NAV2: variants seen among roughly 807,000 people sequenced by gnomAD.
The protein encoded by NAV2 is helicase, APC down-regulated 1.
In NAV2, 54 loss-of-function variants were observed where a neutral mutation model predicts 223.2. That is an observed-to-expected ratio of 0.24 (90% CI 0.19 to 0.30). The LOEUF is 0.30. NAV2 is among the 10% of genes least tolerant of loss of function. The pLI, the probability that NAV2 is intolerant of heterozygous loss-of-function variation, is 1.00. For synonymous variants in NAV2, 1,279 were observed against 1,239.3 expected (o/e 1.03, Z -0.67); for missense variants, 2,806 against 3,147.5 (o/e 0.89, Z 2.60).
At chr11:19,546,279 G>C (rs540009587) in intron 1 of NAV2, among the ~76,000 whole-genome samples, 1 of 152,346 alleles carries the variant, frequency 6.6e-6, no homozygotes, top group Non-Finnish European at 1.5e-5. Context: ...CCCCAGCTCA[G>C]AGATTCCCTC....
At chr11:19,845,874 T>C (rs556727504) in intron 3 of NAV2, among the ~76,000 whole-genome samples, 5 of 152,142 alleles carry the variant, frequency 3.3e-5, no homozygotes, top group Non-Finnish European at 5.9e-5. Context: ...CAGCAAGCAG[T>C]CACAGAGTGC....
intron 1 of NAV2, among the ~76,000 whole-genome samples, chr11:19,499,431 CAGAT>C (rs2042895024): frequency 6.6e-6 from 1 of 152,216 alleles, no homozygotes; most frequent in African/African-American, 2.4e-5. Context: ...TGAAATCTGA[CAGAT>C]AGTCAAAGGG....
chr11:19,373,862 C>T (rs1370659927), intron 1 of NAV2, among the ~76,000 whole-genome samples: 5 of 152,094 alleles, frequency 3.3e-5, no homozygotes, highest in Non-Finnish European at 5.9e-5. Flanking sequence ...TAGGTGTCAC[C>T]TCTAGTTTTA....
chr11:20,036,156 G>T, intron 12 of NAV2, 59 bp downstream of exon 12: 1 of 1,607,322 alleles, frequency 6.2e-7, no homozygotes. Flanking sequence ...GGGAACCTTG[G>T]GCTTGTGGGG....
chr11:20,000,940 A>G (rs2052481402), intron 11 of NAV2, among the ~76,000 whole-genome samples: 3 of 152,172 alleles, frequency 2.0e-5, no homozygotes, highest in Admixed American at 2.0e-4. Context: ...CAGCACAGCC[A>G]CAGTGATCCT....
intron 1 of NAV2, among the ~76,000 whole-genome samples, chr11:19,778,697 T>C (rs905500563): frequency 6.6e-6 from 1 of 152,256 alleles, no homozygotes; most frequent in African/African-American, 2.4e-5. Context: ...TTTAAGCTAC[T>C]ATTTTACAAC....
At position 19,713,594 on chromosome 11, in the gene NAV2, G is replaced by A. The variant is rs575278303; in HGVS notation, c.-102G>A. 26 of 1,432,778 alleles carry A rather than the reference G, an allele frequency of 1.8e-5. 1 individual carries two copies. The East Asian group carries it at 6.7e-4, about 37-fold the overall frequency. The allele number at this position is 1,432,778 out of a possible 1,614,324, so 88.8% of individuals were successfully genotyped here. A position where few individuals can be genotyped will look rare whatever the true frequency, so the allele number is the denominator to read the frequency against. ...AGCCGCTGGTGGTGGGCGCCTCGTG[G>A]GCTAAGGCCCGGCGCCTGCTCTGCT... On this transcript the variant is annotated 5_prime_UTR_variant, in exon 1 of 38. Coordinates refer to ENST00000349880, the MANE Select transcript of NAV2 (RefSeq NM_145117.5). This position sits in a 1 kb window ranked among gnomAD's most constrained non-coding sequence, Gnocchi z 7.2.
intron 1 of NAV2, among the ~76,000 whole-genome samples, chr11:19,718,579 C>T (rs2050501438): frequency 7.7e-6 from 1 of 130,708 alleles, no homozygotes; most frequent in African/African-American, 2.6e-5. Flanking sequence ...GCTCCATCAT[C>T]AAAGGTGATT....
chr11:19,794,510 A>G (rs2057763983), intron 1 of NAV2, among the ~76,000 whole-genome samples: 1 of 152,218 alleles, frequency 6.6e-6, no homozygotes, highest in Non-Finnish European at 1.5e-5. Context: ...AATGAATATA[A>G]CAACTATTTT....
chr11:19,901,594 A>C (rs1459651189), intron 6 of NAV2, among the ~76,000 whole-genome samples: 1 of 152,188 alleles, frequency 6.6e-6, no homozygotes, highest in Non-Finnish European at 1.5e-5. Context: ...TTTGTAGTAC[A>C]TTGTTATGGG....
chr11:19,965,746 A>C (rs1297798717), intron 10 of NAV2, among the ~76,000 whole-genome samples: 1 of 152,230 alleles, frequency 6.6e-6, no homozygotes, highest in Non-Finnish European at 1.5e-5. Context: ...TTACTCCATA[A>C]TGTAGCTTCT....
Position 20,114,714 on chromosome 11 carries a change from C to T in NAV2, c.7083C>T (p.Val2361=), listed in dbSNP as rs200326474. ...PPLLQLRPED[V]GFDGYSMPRE... is the part of the protein sequence containing the mutation. ...TGCTGCAGTTACGGCCTGAGGATGT[C>T]GGCTTCGACGGCTACTCCATGCCTC... is the stretch of plus-strand genomic sequence containing the variant. The change falls in exon 37 of 38, where the codon GTC becomes GTT. Residue 2361 remains valine, a synonymous_variant. Coordinates refer to ENST00000349880, the MANE Select transcript of NAV2 (RefSeq NM_145117.5). 9.3e-6 allele frequency: 15 copies of T among 1,614,092 alleles called. No individual in the cohort carries two copies. The East Asian group carries it at 1.1e-4, about 12-fold the overall frequency.
chr11:19,543,999 G>A (rs897762552), intron 1 of NAV2, among the ~76,000 whole-genome samples: 1 of 152,174 alleles, frequency 6.6e-6, no homozygotes, highest in African/African-American at 2.4e-5. Flanking sequence ...GCCAAAGCTT[G>A]TGAATATATA....
intron 1 of NAV2, among the ~76,000 whole-genome samples, chr11:19,783,247 C>A (rs1240693485): frequency 6.6e-6 from 1 of 152,176 alleles, no homozygotes. Context: ...ATTTCTCGTT[C>A]CAACCTTTGT....
At chr11:19,651,449 C>T (rs1204521699) in intron 1 of NAV2, among the ~76,000 whole-genome samples, 2 of 152,196 alleles carry the variant, frequency 1.3e-5, no homozygotes, top group Admixed American at 6.5e-5. Context: ...GTCTGTAAGA[C>T]GTGCTTGTTG....
intron 1 of NAV2, among the ~76,000 whole-genome samples, chr11:19,700,708 A>G (rs967214176): frequency 6.6e-6 from 1 of 152,188 alleles, no homozygotes; most frequent in African/African-American, 2.4e-5. Context: ...TGCCTTTCAG[A>G]TCCTGGCCCC....
chr11:19,960,031 A>C (rs565094395), intron 10 of NAV2, among the ~76,000 whole-genome samples: 29 of 152,318 alleles, frequency 1.9e-4, no homozygotes, highest in African/African-American at 7.0e-4. Flanking sequence ...TCCATTAATC[A>C]ACATGACCGA....
chr11:19,502,057 C>T (rs577153586), intron 1 of NAV2, among the ~76,000 whole-genome samples: 1 of 152,156 alleles, frequency 6.6e-6, no homozygotes, highest in Non-Finnish European at 1.5e-5. Context: ...CCATACGAGG[C>T]ACTGAGCCAC....
chr11:19,843,672 A>C (rs1323257938), intron 3 of NAV2, among the ~76,000 whole-genome samples: 1 of 152,130 alleles, frequency 6.6e-6, no homozygotes, highest in Non-Finnish European at 1.5e-5. Context: ...GTCTGTTAAG[A>C]TAACACTAAT....
Sources: gnomAD v4.1 joint callset for allele counts (sites outside exome capture counted in the v4.1 genomes callset) on GRCh38, gnomAD v4.1.1 for gene constraint, Gnocchi (gnomAD v3.1) non-coding constraint, MANE v1.5 for transcripts, NCBI Gene and HGNC (gene_info 2026-07-23, HGNC 2026-07-21) for gene names.